Variants in UBE3D observed in about 807,000 individuals in gnomAD.
UBE3D encodes the protein ubiquitin protein ligase E3D.
A neutral mutation model predicts 49.6 loss-of-function variants in UBE3D; 48 were observed. That is an observed-to-expected ratio of 0.97 (90% confidence interval 0.77 to 1.23). UBE3D has a LOEUF of 1.23. Among genes scored for constraint, UBE3D ranks in the 50% most tolerant of loss-of-function variants. The pLI is 0.00. For synonymous variants in UBE3D, 189 were observed against 174.2 expected (o/e 1.08, Z -0.67); for missense variants, 452 against 468.4 (o/e 0.96, Z 0.32).
chr6:82,885,634 A>G, the UBE3D span, among the ~76,000 whole-genome samples: 1 of 152,150 alleles, frequency 6.6e-6, no homozygotes, highest in Non-Finnish European at 1.5e-5. Flanking sequence ...CCGCATCTAC[A>G]TTTTAGAGCT....
intron 9 of UBE3D, among the ~76,000 whole-genome samples, chr6:82,901,038 C>G (rs1771693115): frequency 6.6e-6 from 1 of 151,988 alleles, no homozygotes; most frequent in African/African-American, 2.4e-5. Context: ...CAGAAAGGTA[C>G]ACACAAAAAG....
chr6:82,957,003 C>T (rs1271597764), intron 9 of UBE3D, among the ~76,000 whole-genome samples: 1 of 152,000 alleles, frequency 6.6e-6, no homozygotes, highest in African/African-American at 2.4e-5. Flanking sequence ...GTGGCATGCA[C>T]CTGTAGTCCC....
rs1303311819 is a variant in UBE3D, at chr6:83,065,734, C to T, written c.-16G>A. 2 of 1,604,666 alleles carry T rather than the reference C, an allele frequency of 1.2e-6. No individual in the cohort carries two copies. Among genetic ancestry groups the T allele is most frequent in the Non-Finnish European group, 1.7e-6 (2 of 1,175,838 alleles). ...AAGCCGCCATGGCAGGCTTCCAGTC[C>T]CAGACCGGACCAAGCTGGAGGTTCC... On this transcript the variant is annotated 5_prime_UTR_variant, in exon 1 of 10. Transcript: ENST00000369747.
chr6:82,960,209 CT>C (rs1776452819), intron 8 of UBE3D, among the ~76,000 whole-genome samples: 1 of 152,182 alleles, frequency 6.6e-6, no homozygotes, highest in African/African-American at 2.4e-5. Context: ...ATTTAAGTGT[CT>C]TTTCTGTGTT....
intron 8 of UBE3D, among the ~76,000 whole-genome samples, chr6:82,971,060 A>C (rs293483): frequency 0.68 from 103,370 of 151,880 alleles, 35,857 homozygotes; most frequent in East Asian, 0.82. Context: ...TAATGTTTTC[A>C]AGATTTATGG....
downstream of UBE3D, among the ~76,000 whole-genome samples, chr6:82,887,741 T>C (rs1197857177): frequency 6.6e-6 from 1 of 151,778 alleles, no homozygotes; most frequent in African/African-American, 2.4e-5. Flanking sequence ...AAAAGAATAT[T>C]GGATGGTATA....
At chr6:83,001,511 A>T (rs1259082388) in intron 8 of UBE3D, among the ~76,000 whole-genome samples, 1 of 152,190 alleles carries the variant, frequency 6.6e-6, no homozygotes, top group Non-Finnish European at 1.5e-5. Context: ...AATTTCCTAC[A>T]GCAGCCTTGT....
At chr6:82,968,665 C>A (rs1777122989) in intron 8 of UBE3D, among the ~76,000 whole-genome samples, 2 of 152,098 alleles carry the variant, frequency 1.3e-5, no homozygotes, top group African/African-American at 4.8e-5. Flanking sequence ...CACAACCAGT[C>A]ATCAGAGTAC....
chr6:82,991,367 T>G (rs1243927185), intron 8 of UBE3D, among the ~76,000 whole-genome samples: 3 of 152,196 alleles, frequency 2.0e-5, no homozygotes, highest in African/African-American at 7.2e-5. Flanking sequence ...AAGGTGGTAT[T>G]ATGTTTAATC....
intron 8 of UBE3D, among the ~76,000 whole-genome samples, chr6:82,986,419 C>T (rs891924183): frequency 4.4e-5 from 6 of 135,414 alleles, no homozygotes; most frequent in African/African-American, 1.4e-4. Context: ...TGCAGTGAGC[C>T]GAGATCATGC....
chr6:83,008,455 C>A (rs1409983299), intron 8 of UBE3D, among the ~76,000 whole-genome samples: 2 of 151,918 alleles, frequency 1.3e-5, no homozygotes, highest in Admixed American at 6.6e-5. Flanking sequence ...GTAAAAAAAA[C>A]CGCTGTTGCT....
At chr6:83,033,162 G>C (rs1782001312) in intron 5 of UBE3D, among the ~76,000 whole-genome samples, 2 of 151,988 alleles carry the variant, frequency 1.3e-5, no homozygotes, top group South Asian at 2.1e-4. Context: ...GCAGGGATGA[G>C]AGAGAGAGGG....
chr6:83,050,484 CTG>C, intron 3 of UBE3D, among the ~76,000 whole-genome samples: 1 of 152,248 alleles, frequency 6.6e-6, no homozygotes, highest in South Asian at 2.1e-4. Flanking sequence ...GATCTTAACT[CTG>C]TTCCCCTGCT....
intron 9 of UBE3D, among the ~76,000 whole-genome samples, chr6:82,900,076 T>C (rs78413303): frequency 0.03 from 4,535 of 152,266 alleles, 99 homozygotes; most frequent in Non-Finnish European, 0.047. Context: ...CTATGGAATA[T>C]CTGCAGGAAG....
At chr6:82,970,519 T>C (rs1489131991) in intron 8 of UBE3D, among the ~76,000 whole-genome samples, 1 of 152,208 alleles carries the variant, frequency 6.6e-6, no homozygotes, top group Non-Finnish European at 1.5e-5. Context: ...TTGAAGGTCA[T>C]AGGCCTCAAT....
intron 3 of UBE3D, among the ~76,000 whole-genome samples, chr6:83,045,949 T>A (rs1307301796): frequency 1.3e-5 from 2 of 152,182 alleles, no homozygotes; most frequent in Non-Finnish European, 2.9e-5. Flanking sequence ...TTTGCAAAGA[T>A]CAGGTATTTT....
At chr6:82,909,853 C>A (rs1772371668) in intron 9 of UBE3D, among the ~76,000 whole-genome samples, 1 of 152,162 alleles carries the variant, frequency 6.6e-6, no homozygotes, top group South Asian at 2.1e-4. Context: ...ATCTGCTGCA[C>A]AGTAGGGGAA....
intron 8 of UBE3D, among the ~76,000 whole-genome samples, chr6:82,963,539 T>C (rs940546663): frequency 6.6e-6 from 1 of 152,174 alleles, no homozygotes; most frequent in Admixed American, 6.5e-5. Flanking sequence ...GCCGAAGAAC[T>C]TGGAGTTCAA....
intron 6 of UBE3D, among the ~76,000 whole-genome samples, 159 bp downstream of exon 6, chr6:83,023,810 A>G (rs1781265459): frequency 6.6e-6 from 1 of 152,226 alleles, no homozygotes; most frequent in Admixed American, 6.5e-5. Flanking sequence ...GGATGCACCC[A>G]AATCTCAGAA....
Sources: gnomAD v4.1 joint callset for allele counts (sites outside exome capture counted in the v4.1 genomes callset) on GRCh38, gnomAD v4.1.1 for gene constraint, MANE v1.5 for transcripts, NCBI Gene and HGNC (gene_info 2026-07-23, HGNC 2026-07-21) for gene names.